Variants in SGK2 observed in about 807,000 individuals in gnomAD.
SGK2 encodes the protein serine/threonine-protein kinase Sgk2.
Under a neutral mutation model 47.5 loss-of-function variants are expected in SGK2, and 36 were observed. The observed-to-expected ratio is 0.76, with a 90% CI of 0.58 to 1.00. The LOEUF is 1.00. Ranked by LOEUF, SGK2 falls within the 50% of genes least tolerant of loss-of-function variation. SGK2 has a pLI of 0.00. For missense variants in SGK2, 404 were observed against 467.4 expected, an observed-to-expected ratio of 0.86 and a Z score of 1.25; for synonymous variants, 157 against 181.9, an observed-to-expected ratio of 0.86 and a Z score of 1.10.
intron 12 of SGK2, among the ~76,000 whole-genome samples, chr20:43,580,375 CT>C (rs1258655824): frequency 1.3e-5 from 2 of 152,134 alleles, no homozygotes; most frequent in African/African-American, 4.8e-5. Context: ...ATATTTTATC[CT>C]TTTCTATTTA....
At chr20:43,567,607 A>G in intron 3 of SGK2, 58 bp from the exon 4 acceptor site, 1 of 1,521,544 alleles carries the variant, frequency 6.6e-7, no homozygotes, top group Non-Finnish European at 9.1e-7. Context: ...GTTTGTTCTC[A>G]GGCACCAGGT....
In SGK2 at chr20:43,569,495, C is replaced by T. The variant is rs761358833; in HGVS notation, c.339C>T (p.Leu113=). The T allele has an allele frequency of 9.3e-6, 15 of 1,613,250 alleles. No individual in the cohort carries two copies. The African/African-American group carries it at 1.5e-4, about 16-fold the overall frequency. The change falls in exon 6 of 13, where the codon CTC becomes CTT. Residue 113 remains leucine (L), a synonymous_variant. Coordinates refer to ENST00000373100, the MANE Select transcript of SGK2 (RefSeq NM_170693.3). ...FQTPEKLYFV[L]DYVNGGELFF... is the part of the protein sequence containing the mutation. Reference sequence around the variant, plus strand: ...CACCTGAGAAGCTCTACTTCGTGCTCGACTATGTCAACGGGGGAGAGGTGG... The same window carrying T: ...CACCTGAGAAGCTCTACTTCGTGCTTGACTATGTCAACGGGGGAGAGGTGG...
chr20:43,569,539 T>C (rs769240887), intron 6 of SGK2, 23 bp downstream of exon 6: 2 of 1,609,808 alleles, frequency 1.2e-6, no homozygotes, highest in Admixed American at 3.3e-5. Flanking sequence ...ACAGGGAGGC[T>C]TCCCTGGGCT....
intron 9 of SGK2, among the ~76,000 whole-genome samples, chr20:43,573,346 A>G (rs1568669430): frequency 6.6e-6 from 1 of 152,104 alleles, no homozygotes; most frequent in Non-Finnish European, 1.5e-5. Context: ...AAAATTAGCC[A>G]GGTGTGCTGG....
intron 11 of SGK2, 72 bp downstream of exon 11, chr20:43,576,451 C>A: frequency 7.7e-7 from 1 of 1,298,792 alleles, no homozygotes; most frequent in Non-Finnish European, 1.1e-6. Context: ...CTCAGAAGCA[C>A]ATTAACACGC....
chr20:43,561,546 C>T (rs537699984), intron 1 of SGK2, among the ~76,000 whole-genome samples: 4 of 152,060 alleles, frequency 2.6e-5, no homozygotes, highest in South Asian at 4.2e-4. Context: ...CATATCACCA[C>T]GCCCAGCTAA....
chr20:43,560,279 A>C (rs1600981523), intron 1 of SGK2, among the ~76,000 whole-genome samples: 1 of 152,152 alleles, frequency 6.6e-6, no homozygotes, highest in Non-Finnish European at 1.5e-5. Flanking sequence ...CAGGCGGATC[A>C]CCTGAGGTCA....
rs71754141 is a variant in SGK2 at position 43,571,065 on chromosome 20, G to GT, written c.510+6dup. On this transcript the variant is annotated splice_donor_region_variant and intron_variant, in intron 8 of 12. Transcript: ENST00000373100. ...AACATTCTCTTGGACTGCCAGGTTG[G>GT]TGTGTGTGTGTGTGTGTGTGTGTGT... The GT allele has an allele frequency of 9.8e-5, 4 of 40,890 alleles. No individual in the cohort carries two copies. The highest frequency in any genetic ancestry group is 7.3e-4 in the African/African-American group (4 of 5,462). 2.5% of individuals were successfully genotyped at this position (40,890 alleles called of 1,614,324 possible).
chr20:43,560,027 G>A (rs771359427), intron 1 of SGK2, among the ~76,000 whole-genome samples: 5 of 152,184 alleles, frequency 3.3e-5, no homozygotes, highest in South Asian at 4.2e-4. Context: ...ACCGTGGTGC[G>A]AGAGAGAAGA....
At chr20:43,584,192 A>G (rs755000634) in intron 12 of SGK2, among the ~76,000 whole-genome samples, 3 of 152,096 alleles carry the variant, frequency 2.0e-5, no homozygotes, top group Non-Finnish European at 4.4e-5. Context: ...GGCTGTTCAC[A>G]TGGTGGCATC....
chr20:43,564,469 C>CCGCACGCATGCGTGCATGCA (rs1979563460), intron 1 of SGK2, among the ~76,000 whole-genome samples: 1 of 152,158 alleles, frequency 6.6e-6, no homozygotes, highest in Admixed American at 6.5e-5. Flanking sequence ...GGCCCCCTAG[C>CCGCACGCATGCGTGCATGCA]CGCACGCATG....
At chr20:43,566,043 G>A in intron 1 of SGK2, 2 of 350,144 alleles carry the variant, frequency 5.7e-6, no homozygotes, top group Non-Finnish European at 1.0e-5. Flanking sequence ...AAGGCTATGT[G>A]GCCCTAGGAA....
At chr20:43,559,957 C>T (rs372174589) in intron 1 of SGK2, among the ~76,000 whole-genome samples, 13 of 151,938 alleles carry the variant, frequency 8.6e-5, no homozygotes, top group African/African-American at 2.4e-4. Flanking sequence ...TGGGAGTTTG[C>T]GGAGTCTGAA....
At chr20:43,559,941 C>T (rs953963156) in intron 1 of SGK2, among the ~76,000 whole-genome samples, 1 of 152,048 alleles carries the variant, frequency 6.6e-6, no homozygotes, top group African/African-American at 2.4e-5. Flanking sequence ...CATGGAGGGG[C>T]TTGAGTGGGA....
intron 5 of SGK2, 54 bp downstream of exon 5, chr20:43,568,053 AGGGTGGCTTTCAAAGATG>A: frequency 6.7e-7 from 1 of 1,499,636 alleles, no homozygotes; most frequent in Non-Finnish European, 9.3e-7. Flanking sequence ...GCCGCAGCCT[AGGGTGGCTTTCAAAGATG>A]GGTCCCACCT....
At chr20:43,581,815 C>T (rs1269053448) in intron 12 of SGK2, among the ~76,000 whole-genome samples, 2 of 152,190 alleles carry the variant, frequency 1.3e-5, no homozygotes, top group African/African-American at 4.8e-5. Flanking sequence ...AGGCGTGAGC[C>T]ACCGCACCTG....
At chr20:43,579,059 C>G (rs1198609125) in intron 11 of SGK2, among the ~76,000 whole-genome samples, 2 of 150,254 alleles carry the variant, frequency 1.3e-5, no homozygotes, top group East Asian at 3.9e-4. Context: ...GCTCTGTTGC[C>G]CAGGCTGGAG....
chr20:43,567,713 C>T lies in SGK2; in HGVS notation c.135C>T (p.Asn45=), dbSNP rs762686366. 2.5e-6 allele frequency: 4 copies of T among 1,614,132 alleles called. No homozygotes were observed. In the South Asian group the frequency reaches 3.3e-5, roughly 13 times the overall value. ...TCCTCAAAGTCATCGGCAAAGGGAA[C>T]TACGGGAAGGTGAGTGACTTGGTGA... ...FDFLKVIGKG[N]YGKVLLAKRK... is the part of the protein sequence containing the mutation. The change falls in exon 4 of 13, where the codon AAC becomes AAT. Residue 45 remains asparagine (N), a synonymous_variant. Transcript: ENST00000373100.
chr20:43,580,105 G>A (rs1442349518), intron 12 of SGK2, 44 bp downstream of exon 12: 3 of 1,304,200 alleles, frequency 2.3e-6, no homozygotes, highest in Admixed American at 4.5e-5. Context: ...CCGGGGCTGG[G>A]GGAGCTTGCT....
Sources: gnomAD v4.1 joint callset for allele counts (sites outside exome capture counted in the v4.1 genomes callset) on GRCh38, gnomAD v4.1.1 for gene constraint, MANE v1.5 for transcripts, NCBI Gene and HGNC (gene_info 2026-07-23, HGNC 2026-07-21) for gene names.